Variants in GPHN observed in about 807,000 individuals in gnomAD.
GPHN encodes the protein gephyrin.
Under a neutral mutation model 95.5 loss-of-function variants are expected in GPHN, and 17 were observed. That is an observed-to-expected ratio of 0.18 (90% confidence interval 0.12 to 0.27). The LOEUF is 0.27. Among genes scored for constraint, GPHN ranks in the 10% least tolerant of loss-of-function variants. The probability of loss-of-function intolerance (pLI) is 1.00; values close to 1 mark genes in which losing one functional copy is unlikely to be tolerated. For synonymous variants in GPHN, 320 were observed against 322.5 expected, an observed-to-expected ratio of 0.99 and a Z score of 0.08; for missense variants, 660 against 978.1, an observed-to-expected ratio of 0.67 and a Z score of 4.34.
chr14:66,905,487 G>T (rs1400146617), intron 5 of GPHN, among the ~76,000 whole-genome samples: 1 of 151,930 alleles, frequency 6.6e-6, no homozygotes. Flanking sequence ...TGTTTCTTTT[G>T]GATGTATGTA....
At chr14:66,975,313 A>G (rs2070138013) in intron 9 of GPHN, among the ~76,000 whole-genome samples, 1 of 152,164 alleles carries the variant, frequency 6.6e-6, no homozygotes, top group South Asian at 2.1e-4. Flanking sequence ...AACTTCTGTT[A>G]TTTCTACTTT....
chr14:66,913,606 C>A (rs977151383), intron 5 of GPHN, among the ~76,000 whole-genome samples: 5 of 152,144 alleles, frequency 3.3e-5, no homozygotes, highest in African/African-American at 1.2e-4. Flanking sequence ...TCCCAAAGTG[C>A]TGGGATTACA....
intron 1 of GPHN, among the ~76,000 whole-genome samples, chr14:66,640,581 A>T (rs181629145): frequency 6.6e-6 from 1 of 152,328 alleles, no homozygotes; most frequent in East Asian, 1.9e-4. Flanking sequence ...TTGTTATACT[A>T]TGAAATGTCC....
the GPHN span, among the ~76,000 whole-genome samples, chr14:67,235,553 A>G: frequency 1.3e-5 from 2 of 152,094 alleles, no homozygotes; most frequent in African/African-American, 4.8e-5. Context: ...GTCTCTACTA[A>G]AAATACAAAA....
At chr14:66,552,857 A>G (rs376191778) in intron 1 of GPHN, among the ~76,000 whole-genome samples, 181 of 149,782 alleles carry the variant, frequency 1.2e-3, no homozygotes, top group African/African-American at 4.1e-3. Context: ...TGCTTTCAAG[A>G]TTTTTTCTTA....
rs746581893 is a variant in GPHN, at chr14:66,965,298, C to T, written c.936C>T (p.Leu312=). The part of the protein sequence containing the change: ...ESPRAQATSR[L]STASCPTPKV... Reference sequence around the variant, plus strand: ...CTCGTGCTCAGGCTACATCTCGCCTCTCTACAGCTTCCTGCCCAACACCAA... The same window carrying T: ...CTCGTGCTCAGGCTACATCTCGCCTTTCTACAGCTTCCTGCCCAACACCAA... Residue 312 remains leucine (L), a synonymous_variant, in exon 9 of 23, where the codon CTC becomes CTT. Transcript: ENST00000478722. 1.1e-5 allele frequency: 18 copies of T among 1,613,784 alleles called. No individual in the cohort carries two copies. Among genetic ancestry groups the T allele is most frequent in the South Asian group, 2.2e-5 (2 of 91,084 alleles).
At chr14:67,230,342 G>A in the GPHN span, among the ~76,000 whole-genome samples, 3 of 152,074 alleles carry the variant, frequency 2.0e-5, no homozygotes, top group Admixed American at 1.3e-4. Flanking sequence ...CACTTTGGGC[G>A]GCTGAGGCAG....
At chr14:66,509,162 G>T (rs138132578) in intron 1 of GPHN, 1,918 of 157,450 alleles carry the variant, frequency 0.012, 20 homozygotes, top group Non-Finnish European at 0.018. Context: ...CACCCATGGG[G>T]CACCCTTCGC....
the GPHN span, among the ~76,000 whole-genome samples, chr14:67,527,593 C>G: frequency 1.3e-5 from 2 of 152,176 alleles, no homozygotes; most frequent in African/African-American, 4.8e-5. Flanking sequence ...GCTGTGTCCC[C>G]GGTGTGTTTT....
At chr14:66,851,384 C>A (rs187411846) in intron 4 of GPHN, among the ~76,000 whole-genome samples, 1 of 151,960 alleles carries the variant, frequency 6.6e-6, no homozygotes, top group African/African-American at 2.4e-5. Context: ...CTCTGTCACC[C>A]AGACTGGAGT....
At chr14:67,577,309 G>A in the GPHN span, 1,361 of 1,564,944 alleles carry the variant, frequency 8.7e-4, 10 homozygotes, top group African/African-American at 0.016. Flanking sequence ...CAGATTCGCC[G>A]CTCTGGAGGC....
chr14:66,875,216 T>G (rs771280629), intron 4 of GPHN, among the ~76,000 whole-genome samples: 16 of 152,144 alleles, frequency 1.1e-4, no homozygotes, highest in Non-Finnish European at 1.8e-4. Context: ...CTGAGACAAT[T>G]TGTCATCACC....
chr14:66,767,682 A>G (rs2059014602), intron 2 of GPHN, among the ~76,000 whole-genome samples: 1 of 151,996 alleles, frequency 6.6e-6, no homozygotes, highest in Non-Finnish European at 1.5e-5. Context: ...GTTGCTACTC[A>G]TGCCAGTAGA....
the GPHN span, among the ~76,000 whole-genome samples, chr14:67,547,176 G>A: frequency 8.5e-5 from 13 of 152,134 alleles, no homozygotes; most frequent in Non-Finnish European, 1.3e-4. Flanking sequence ...GCATAGACAC[G>A]GGAGGAACAA....
chr14:66,928,115 C>T (rs948125060), intron 8 of GPHN, among the ~76,000 whole-genome samples: 1 of 152,004 alleles, frequency 6.6e-6, no homozygotes, highest in Non-Finnish European at 1.5e-5. Flanking sequence ...GGATTGGTAT[C>T]GGTTCTTCTT....
intron 9 of GPHN, among the ~76,000 whole-genome samples, chr14:66,998,459 A>C (rs1229841444): frequency 6.6e-6 from 1 of 152,154 alleles, no homozygotes; most frequent in African/African-American, 2.4e-5. Flanking sequence ...TAAATATTTC[A>C]CAGAATTTTA....
intron 5 of GPHN, among the ~76,000 whole-genome samples, chr14:66,888,751 G>T (rs1430593225): frequency 6.6e-6 from 1 of 152,100 alleles, no homozygotes; most frequent in African/African-American, 2.4e-5. Context: ...TACTTTAAGT[G>T]TAAATGGATT....
chr14:66,653,215 A>G (rs6573696), intron 1 of GPHN, among the ~76,000 whole-genome samples: 47,198 of 151,968 alleles, frequency 0.31, 11,181 homozygotes, highest in African/African-American at 0.64. Flanking sequence ...AGAAAGTGTG[A>G]TGGTTTACTG....
At chr14:67,567,138 T>TTGTGTTC in the GPHN span, among the ~76,000 whole-genome samples, 1 of 151,890 alleles carries the variant, frequency 6.6e-6, no homozygotes, top group African/African-American at 2.4e-5. Flanking sequence ...GCATGATCAC[T>TTGTGTTC]CGTGTTCCGT....
Sources: allele counts gnomAD v4.1 joint callset (sites outside exome capture counted in the v4.1 genomes callset), GRCh38; gene constraint gnomAD v4.1.1; transcripts MANE v1.5; gene names NCBI Gene and HGNC (gene_info 2026-07-23, HGNC 2026-07-21).